Variants in ASTN2 observed in about 807,000 individuals in gnomAD.
The protein encoded by ASTN2 is astrotactin-2.
In ASTN2, 54 loss-of-function variants were observed where a neutral mutation model predicts 139.8. The ratio of observed to expected loss-of-function variants is 0.39; its 90% confidence interval spans 0.31 to 0.48. The LOEUF (loss-of-function observed/expected upper bound fraction) is 0.48, where lower values mean the gene tolerates loss of function less well. Ranked by LOEUF, ASTN2 falls within the 20% of genes least tolerant of loss-of-function variation. The probability of loss-of-function intolerance (pLI) is 0.95; values close to 1 mark genes in which losing one functional copy is unlikely to be tolerated. For synonymous variants in ASTN2, 756 were observed against 719.5 expected, an observed-to-expected ratio of 1.05 and a Z score of -0.81; for missense variants, 1,565 against 1,725.1, an observed-to-expected ratio of 0.91 and a Z score of 1.64.
intron 3 of ASTN2, among the ~76,000 whole-genome samples, chr9:117,167,242 C>A (rs994158634): frequency 6.6e-6 from 1 of 152,050 alleles, no homozygotes; most frequent in Non-Finnish European, 1.5e-5. Flanking sequence ...ATCTATCTAC[C>A]TATCATCCAA....
intron 16 of ASTN2, among the ~76,000 whole-genome samples, chr9:116,661,400 C>G (rs745408842): frequency 1.3e-5 from 2 of 152,044 alleles, no homozygotes; most frequent in Non-Finnish European, 2.9e-5. Flanking sequence ...AAGCTTAGTG[C>G]GATGAGTAAA....
intron 3 of ASTN2, among the ~76,000 whole-genome samples, chr9:117,170,247 C>T (rs7849534): frequency 0.29 from 44,708 of 151,854 alleles, 6,761 homozygotes; most frequent in African/African-American, 0.35. Flanking sequence ...CAATTGCATC[C>T]ACCTTCCAGC....
At chr9:116,488,322 G>A (rs1452970802) in intron 19 of ASTN2, among the ~76,000 whole-genome samples, 2 of 152,118 alleles carry the variant, frequency 1.3e-5, no homozygotes, top group Non-Finnish European at 1.5e-5. Context: ...TCTAGTCTTA[G>A]TTCTGTTGAG....
chr9:116,948,418 G>A (rs1359644940), intron 10 of ASTN2, among the ~76,000 whole-genome samples: 1 of 152,094 alleles, frequency 6.6e-6, no homozygotes, highest in East Asian at 1.9e-4. Context: ...CAGTGGCAGT[G>A]TCCCCAAGCT....
rs1488838730 is a variant in ASTN2, at chr9:116,425,686, T to A, written c.*165A>T. ...ATTCCATTGGTTACAAAGGTCTCTG[T>A]CCACTATCCACAGGAGAAACCGTTT... On this transcript the variant is annotated 3_prime_UTR_variant, in exon 23 of 23. Transcript: ENST00000313400. The A allele has an allele frequency of 1.9e-6, 3 of 1,608,510 alleles. No individual in the cohort carries two copies. Among genetic ancestry groups the A allele is most frequent in the East Asian group, 2.2e-5 (1 of 44,682 alleles).
At chr9:117,351,037 C>T (rs1007400202) in intron 1 of ASTN2, among the ~76,000 whole-genome samples, 2 of 152,126 alleles carry the variant, frequency 1.3e-5, no homozygotes, top group Admixed American at 6.5e-5. Flanking sequence ...AGCCTGCTTG[C>T]TCTCCTTGCA....
At chr9:117,119,067 T>C (rs1427469554) in intron 4 of ASTN2, among the ~76,000 whole-genome samples, 1 of 152,230 alleles carries the variant, frequency 6.6e-6, no homozygotes, top group Non-Finnish European at 1.5e-5. Flanking sequence ...TGCATTCACT[T>C]AAGTGCCCAG....
intron 1 of ASTN2, among the ~76,000 whole-genome samples, chr9:117,339,265 G>A (rs1312802719): frequency 6.6e-6 from 1 of 152,116 alleles, no homozygotes; most frequent in Non-Finnish European, 1.5e-5. Context: ...GCAGAATCAG[G>A]GTAGGAACTT....
intron 10 of ASTN2, among the ~76,000 whole-genome samples, chr9:116,921,981 C>T (rs1744672864): frequency 6.6e-6 from 1 of 152,160 alleles, no homozygotes; most frequent in African/African-American, 2.4e-5. Context: ...TACAACTGAA[C>T]ATGGGATTTG....
At chr9:117,085,951 G>A (rs1828549335) in intron 5 of ASTN2, among the ~76,000 whole-genome samples, 1 of 152,152 alleles carries the variant, frequency 6.6e-6, no homozygotes, top group Non-Finnish European at 1.5e-5. Flanking sequence ...GCAGCCTCAG[G>A]AAAGTGAACC....
intron 5 of ASTN2, among the ~76,000 whole-genome samples, chr9:117,064,661 G>A (rs767072425): frequency 4.6e-5 from 7 of 152,142 alleles, no homozygotes; most frequent in Non-Finnish European, 7.4e-5. Context: ...AAAGTAGGAG[G>A]GTCGGGGGGA....
intron 20 of ASTN2, among the ~76,000 whole-genome samples, chr9:116,455,052 A>AG (rs1848287754): frequency 6.6e-6 from 1 of 151,540 alleles, no homozygotes; most frequent in East Asian, 2.0e-4. Flanking sequence ...AAAAAAAAAA[A>AG]GGTTTATGGT....
intron 2 of ASTN2, among the ~76,000 whole-genome samples, chr9:117,250,498 T>C (rs1833507902): frequency 6.6e-6 from 1 of 152,244 alleles, no homozygotes; most frequent in Non-Finnish European, 1.5e-5. Flanking sequence ...TATTAATGGA[T>C]AGTTTTAGAA....
intron 10 of ASTN2, among the ~76,000 whole-genome samples, chr9:116,901,012 A>T (rs534382255): frequency 6.6e-6 from 1 of 152,262 alleles, no homozygotes; most frequent in African/African-American, 2.4e-5. Context: ...AAATTTGTTC[A>T]AAGTTAAACA....
At chr9:117,016,815 A>C (rs568130674) in intron 6 of ASTN2, among the ~76,000 whole-genome samples, 1 of 142,872 alleles carries the variant, frequency 7.0e-6, no homozygotes, top group Non-Finnish European at 1.5e-5. Flanking sequence ...TATATGTTTT[A>C]TATATATATA....
intron 4 of ASTN2, among the ~76,000 whole-genome samples, chr9:117,115,668 CGTT>C (rs1342090508): frequency 2.0e-5 from 3 of 152,094 alleles, no homozygotes; most frequent in Non-Finnish European, 4.4e-5. Flanking sequence ...TTACTCAACA[CGTT>C]GTTTGAATGC....
intron 3 of ASTN2, among the ~76,000 whole-genome samples, chr9:117,173,933 C>T (rs935990742): frequency 6.9e-5 from 10 of 145,890 alleles, no homozygotes; most frequent in Admixed American, 6.0e-4. Flanking sequence ...CTACGTCTTG[C>T]TCTCTCTCCT....
rs1554774086 is a variant in ASTN2 at position 117,060,432 on chromosome 9, A to AAGGAAGAG, written c.1277-20468_1277-20467insCTCTTCCT. Among the ~76,000 whole-genome samples the AAGGAAGAG allele has an allele frequency of 2.3e-4, 12 of 52,646 alleles. 1 individual carries two copies. Among genetic ancestry groups the AAGGAAGAG allele is most frequent in the Non-Finnish European group, 4.1e-4 (11 of 26,984 alleles). The allele number at this position is 52,646 out of a possible 152,430, so 34.5% of individuals were successfully genotyped here. On this transcript the variant is annotated intron_variant, in intron 5 of 22. Coordinates refer to ENST00000313400, the MANE Select transcript of ASTN2 (RefSeq NM_001365068.1). ...AAAGAAGGAAAGGAAGGAAGGAAGG[A>AAGGAAGAG]AGAGAGAGAGAGAAAGAAAGAAAGA...
intron 19 of ASTN2, among the ~76,000 whole-genome samples, chr9:116,554,379 T>C (rs1852499313): frequency 6.6e-6 from 1 of 152,210 alleles, no homozygotes; most frequent in Admixed American, 6.5e-5. Flanking sequence ...TCTAGTCCTA[T>C]CATTGTCACA....
Sources: gnomAD v4.1 joint callset for allele counts (sites outside exome capture counted in the v4.1 genomes callset) on GRCh38, gnomAD v4.1.1 for gene constraint, MANE v1.5 for transcripts, NCBI Gene and HGNC (gene_info 2026-07-23, HGNC 2026-07-21) for gene names.